The following PLAU variants were observed in gnomAD, a reference collection of about 807,000 sequenced individuals.
PLAU encodes plasminogen activator, urokinase.
PLAU carries 32 observed loss-of-function variants against 48.9 expected under a neutral mutation model. That is an observed-to-expected ratio of 0.65 (90% confidence interval 0.49 to 0.88). The LOEUF (loss-of-function observed/expected upper bound fraction) is 0.88. Ranked by LOEUF, PLAU falls within the 40% of genes least tolerant of loss-of-function variation. PLAU has a pLI of 0.00. For synonymous variants in PLAU, 199 were observed against 205.7 expected, an observed-to-expected ratio of 0.97 and a Z score of 0.28; for missense variants, 455 against 545.2, an observed-to-expected ratio of 0.83 and a Z score of 1.65.
At chr10:73,913,150 C>G (rs992201458) in intron 5 of PLAU, 52 bp downstream of exon 5, 7 of 1,592,074 alleles carry the variant, frequency 4.4e-6, no homozygotes, top group Non-Finnish European at 6.0e-6. Context: ...TTCCCAGAAA[C>G]CTTGTTACCA....
rs754508487 is a variant in PLAU at position 73,917,006 on chromosome 10, G to A, written c.*441G>A. On this transcript the variant is annotated 3_prime_UTR_variant, in exon 11 of 11. Coordinates refer to ENST00000372764, the MANE Select transcript of PLAU (RefSeq NM_002658.6). ...GGAGCTTAGCCAATGTGGGAGCAGC[G>A]GTTTGGGGAGCAGAGACACTAACGA... The A allele has an allele frequency of 1.0e-4, 17 of 165,468 alleles. No individual in the cohort carries two copies. Among genetic ancestry groups the A allele is most frequent in the Admixed American group, 1.7e-4 (3 of 17,698 alleles). 10.2% of individuals were successfully genotyped at this position (165,468 alleles called of 1,614,324 possible).
At chr10:73,916,282 A>T (rs535237670) in intron 10 of PLAU, 107 bp from the exon 11 acceptor site, 4 of 987,526 alleles carry the variant, frequency 4.1e-6, no homozygotes, top group Non-Finnish European at 6.2e-6. Flanking sequence ...GTCGCTAAGG[A>T]CTTTGACTGG....
At chr10:73,915,816 T>C (rs192545728) in intron 10 of PLAU, among the ~76,000 whole-genome samples, 1 of 152,244 alleles carries the variant, frequency 6.6e-6, no homozygotes, top group East Asian at 1.9e-4. Context: ...AGTTGAAAGA[T>C]ACAAAACTGA....
At chr10:73,913,184 C>A in intron 5 of PLAU, 86 bp downstream of exon 5, 1 of 1,574,746 alleles carries the variant, frequency 6.4e-7, no homozygotes, top group Non-Finnish European at 8.7e-7. Context: ...GAGGGCTGGC[C>A]ATAGCACAAG....
chr10:73,913,766 C>A lies in PLAU; in HGVS notation c.680+8C>A. 2 of 1,573,762 alleles carry A rather than the reference C, an allele frequency of 1.3e-6. No homozygotes were observed. The highest frequency in any genetic ancestry group is 1.7e-6 in the Non-Finnish European group (2 of 1,158,508). On this transcript the variant is annotated splice_region_variant and intron_variant, in intron 7 of 10. Transcript: ENST00000372764. The stretch of plus-strand genomic sequence containing the variant: ...CGCCACACACTGCTTCATGTACGGC[C>A]CTGGGTTTCTCCTCTTCGACTCTTC...
At chr10:73,913,235 G>A in intron 5 of PLAU, 55 bp from the exon 6 acceptor site, 1 of 1,584,378 alleles carries the variant, frequency 6.3e-7, no homozygotes, top group East Asian at 2.2e-5. Context: ...GAGGGGAGGA[G>A]GCAGGGAAGG....
chr10:73,909,415 C>T (rs2096120338), upstream of PLAU: 1 of 152,270 alleles, frequency 6.6e-6, no homozygotes, highest in Admixed American at 6.5e-5. Context: ...AAGGTTGGCT[C>T]TGAAGCCTAT....
intron 3 of PLAU, 72 bp from the exon 4 acceptor site, chr10:73,912,143 C>G: frequency 3.7e-6 from 6 of 1,611,804 alleles, no homozygotes; most frequent in Non-Finnish European, 5.1e-6. Flanking sequence ...CCTCCCTGCC[C>G]TCTGCTGCAG....
chr10:73,909,708 G>T (rs149197795), upstream of PLAU, among the ~76,000 whole-genome samples: 1 of 152,336 alleles, frequency 6.6e-6, no homozygotes, highest in African/African-American at 2.4e-5. Flanking sequence ...GGCCTAGGCT[G>T]GGAAAGGGCC....
At chr10:73,911,813 C>A in intron 2 of PLAU, 1 of 1,551,736 alleles carries the variant, frequency 6.4e-7, no homozygotes, top group Non-Finnish European at 8.7e-7. Flanking sequence ...AGGAAGAGGC[C>A]GCCGGGACTG....
chr10:73,914,235 G>A lies in PLAU; in HGVS notation c.829+107G>A, dbSNP rs993932554. On this transcript the variant is annotated intron_variant, in intron 8 of 10. Transcript: ENST00000372764. ...AGCTGCCCGGTGGGGCAGGGGTGGGGCGAGGGACCTTGAAGCCTCGATATA... is the reference window on the plus strand; with the variant it reads ...AGCTGCCCGGTGGGGCAGGGGTGGGACGAGGGACCTTGAAGCCTCGATATA... 8.7e-6 allele frequency: 10 copies of A among 1,147,560 alleles called. No individual in the cohort carries two copies. In the South Asian group the frequency reaches 1.2e-4, roughly 14 times the overall value. 71.1% of individuals were successfully genotyped at this position (1,147,560 alleles called of 1,614,324 possible). A position where few individuals can be genotyped will look rare whatever the true frequency, so the allele number is the denominator to read the frequency against.
chr10:73,911,911 C>G (rs1414291341), intron 2 of PLAU, 130 bp from the exon 3 acceptor site: 1 of 1,587,570 alleles, frequency 6.3e-7, no homozygotes, highest in Admixed American at 1.8e-5. Context: ...CATTTGAGAA[C>G]TAGATACGAA....
rs746776336 is a variant in PLAU, at chr10:73,914,766, C to T, written c.830-10C>T. ...TGATCTTTCTCCTCTGACCCTCTGT[C>T]CTCCCCCAGCCTTGCTGAAGATCCG... is the stretch of plus-strand genomic sequence containing the variant. On this transcript the variant is annotated splice_polypyrimidine_tract_variant and intron_variant, in intron 8 of 10. Coordinates refer to ENST00000372764, the MANE Select transcript of PLAU (RefSeq NM_002658.6). The T allele has an allele frequency of 4.5e-5, 73 of 1,612,002 alleles. No homozygotes were observed. Among genetic ancestry groups the T allele is most frequent in the Non-Finnish European group, 5.9e-5 (70 of 1,178,944 alleles).
rs2096131086 is a variant in PLAU at position 73,914,102 on chromosome 10, A to G, written c.803A>G (p.Asp268Gly). 6.2e-7 allele frequency: 1 copy of G among 1,614,202 alleles called. No homozygotes were observed. Among genetic ancestry groups the G allele is most frequent in the Non-Finnish European group, 8.5e-7 (1 of 1,180,024 alleles). Residue 268 changes from aspartate to glycine, a missense_variant, in exon 8 of 11, where the codon GAC becomes GGC. By Grantham distance (94) the Asp-to-Gly change is moderately conservative (BLOSUM62 -1). Transcript: ENST00000372764. ...NLILHKDYSADTLAHHNDIAL... is the reference protein window; with the variant it reads ...NLILHKDYSAGTLAHHNDIAL... ...ATCCTACACAAGGACTACAGCGCTGACACGCTTGCTCACCACAACGACATT... is the reference window on the plus strand; with the variant it reads ...ATCCTACACAAGGACTACAGCGCTGGCACGCTTGCTCACCACAACGACATT...
intron 4 of PLAU, 150 bp from the exon 5 acceptor site, chr10:73,912,774 C>G (rs913676639): frequency 3.2e-6 from 2 of 621,194 alleles, no homozygotes; most frequent in African/African-American, 1.9e-5. Flanking sequence ...TTGCTTGAAC[C>G]TGGGAGGCAG....
At position 73,916,637 on chromosome 10, in the gene PLAU, A is replaced by G. The variant is rs2096137686; in HGVS notation, c.*72A>G. 1 of 1,218,844 alleles carries G rather than the reference A, an allele frequency of 8.2e-7. No homozygotes were observed. Among genetic ancestry groups the G allele is most frequent in the African/African-American group, 1.5e-5 (1 of 67,218 alleles). The allele number at this position is 1,218,844 out of a possible 1,614,324, so 75.5% of individuals were successfully genotyped here. ...TCATTTTTGCAGTAGAGTCATCTCCATCAGCTGTAAGAAGAGACTGGGAAG... is the reference window on the plus strand; with the variant it reads ...TCATTTTTGCAGTAGAGTCATCTCCGTCAGCTGTAAGAAGAGACTGGGAAG... On this transcript the variant is annotated 3_prime_UTR_variant, in exon 11 of 11. Coordinates refer to ENST00000372764, the MANE Select transcript of PLAU (RefSeq NM_002658.6).
chr10:73,913,193 A>G (rs567222566), intron 5 of PLAU, 95 bp downstream of exon 5: 7 of 1,575,728 alleles, frequency 4.4e-6, no homozygotes, highest in Middle Eastern at 3.4e-4. Context: ...CCATAGCACA[A>G]GAGAAGTGCG....
intron 10 of PLAU, 128 bp downstream of exon 10, chr10:73,915,527 C>G (rs1189466965): frequency 1.3e-5 from 11 of 866,206 alleles, no homozygotes; most frequent in Non-Finnish European, 8.7e-6. Flanking sequence ...GAGCTCAGGT[C>G]TTTGAGGGTT....
upstream of PLAU, chr10:73,910,697 GAA>G (rs1435382266): frequency 6.6e-6 from 1 of 152,240 alleles, no homozygotes; most frequent in Non-Finnish European, 1.5e-5. Context: ...TCGCGTTGAT[GAA>G]GACTTCACAG....
Sources: gnomAD v4.1 joint callset for allele counts (sites outside exome capture counted in the v4.1 genomes callset) on GRCh38, gnomAD v4.1.1 for gene constraint, MANE v1.5 for transcripts, NCBI Gene and HGNC (gene_info 2026-07-23, HGNC 2026-07-21) for gene names.